Variants in SLC4A4 observed in about 807,000 individuals in gnomAD.
The protein encoded by SLC4A4 is solute carrier family 4 member 4.
In SLC4A4, 27 loss-of-function variants were observed where a neutral mutation model predicts 111.5. The ratio of observed to expected loss-of-function variants is 0.24; its 90% CI spans 0.18 to 0.33. The LOEUF (loss-of-function observed/expected upper bound fraction) is 0.33, where lower values mean the gene tolerates loss of function less well. Among genes scored for constraint, SLC4A4 ranks in the 10% least tolerant of loss-of-function variants. The pLI is 1.00. For missense variants in SLC4A4, 909 were observed against 1,315.5 expected (o/e 0.69, Z 4.78); for synonymous variants, 443 against 463.4 (o/e 0.96, Z 0.57).
chr4:71,180,730 G>A (rs1420922262), intron 2 of SLC4A4, among the ~76,000 whole-genome samples: 1 of 152,130 alleles, frequency 6.6e-6, no homozygotes. Context: ...GGAGAAATGG[G>A]AACACTTTTA....
At chr4:71,473,288 A>G in intron 14 of SLC4A4, 1 of 598,284 alleles carries the variant, frequency 1.7e-6, no homozygotes, top group Non-Finnish European at 3.0e-6. Context: ...ACCTGGATAC[A>G]TGTATTAACA....
intron 7 of SLC4A4, among the ~76,000 whole-genome samples, chr4:71,412,574 C>G (rs146894061): frequency 9.2e-5 from 14 of 152,284 alleles, no homozygotes; most frequent in Non-Finnish European, 1.9e-4. Flanking sequence ...TAAAGTCTTT[C>G]TTTGCACTTA....
intron 15 of SLC4A4, among the ~76,000 whole-genome samples, chr4:71,494,949 G>C (rs1166984440): frequency 6.6e-6 from 1 of 152,052 alleles, no homozygotes; most frequent in Non-Finnish European, 1.5e-5. Flanking sequence ...TATCTAAATA[G>C]AATTGTTTAT....
chr4:71,298,282 G>T (rs1015627249), intron 3 of SLC4A4, among the ~76,000 whole-genome samples: 6 of 152,038 alleles, frequency 3.9e-5, no homozygotes, highest in Non-Finnish European at 7.4e-5. Context: ...TTTATATAAG[G>T]GTTACTGCTA....
At chr4:71,186,536 C>G (rs904272073), upstream of SLC4A4, among the ~76,000 whole-genome samples, 3 of 152,034 alleles carry the variant, frequency 2.0e-5, no homozygotes, top group African/African-American at 7.2e-5. Context: ...GCGGCCGGTC[C>G]GGAGCCGGGT....
chr4:71,501,280 A>C (rs910100177), intron 16 of SLC4A4, among the ~76,000 whole-genome samples: 2 of 152,010 alleles, frequency 1.3e-5, no homozygotes, highest in African/African-American at 4.8e-5. Context: ...AACACTACTG[A>C]ATTGTATGTT....
chr4:71,094,863 T>C (rs1044177685), intron 2 of SLC4A4, among the ~76,000 whole-genome samples: 1 of 152,182 alleles, frequency 6.6e-6, no homozygotes, highest in African/African-American at 2.4e-5. Flanking sequence ...CTCTATATTT[T>C]CCAGGGGGAG....
chr4:71,316,716 T>G (rs1726711509), intron 3 of SLC4A4, among the ~76,000 whole-genome samples: 1 of 151,896 alleles, frequency 6.6e-6, no homozygotes, highest in Non-Finnish European at 1.5e-5. Flanking sequence ...TCCCCTCACC[T>G]CCACAGTCCC....
rs115574266 is a variant in SLC4A4 at position 71,493,301 on chromosome 4, A to G, written c.1975-4200A>G. Among the ~76,000 whole-genome samples the G allele has an allele frequency of 1.6e-3, 249 of 152,124 alleles. 1 individual carries two copies. The highest frequency in any genetic ancestry group is 5.8e-3 in the African/African-American group (243 of 41,556). On this transcript the variant is annotated intron_variant, in intron 15 of 25. Coordinates refer to ENST00000264485, the MANE Select transcript of SLC4A4 (RefSeq NM_001098484.3). ...GTTGTTTACCTGAAATTCAAATGTA[A>G]CTGGGCATCCTACATTTTACCCAGC...
chr4:71,427,188 T>G (rs1723221558), intron 7 of SLC4A4, among the ~76,000 whole-genome samples: 1 of 152,056 alleles, frequency 6.6e-6, no homozygotes. Flanking sequence ...ATTTTCTTCT[T>G]TTGCTTTCTT....
intron 2 of SLC4A4, among the ~76,000 whole-genome samples, chr4:71,150,422 T>C (rs558217897): frequency 6.6e-6 from 1 of 152,224 alleles, no homozygotes; most frequent in South Asian, 2.1e-4. Context: ...CAGCCAGAAA[T>C]AGTGGTATGT....
At chr4:71,448,277 G>A (rs1462511372) in intron 9 of SLC4A4, among the ~76,000 whole-genome samples, 6 of 140,664 alleles carry the variant, frequency 4.3e-5, no homozygotes, top group Non-Finnish European at 9.0e-5. Context: ...CTGAGATCAC[G>A]CCACTGCACT....
intron 15 of SLC4A4, among the ~76,000 whole-genome samples, chr4:71,490,516 C>T (rs1729804266): frequency 6.6e-6 from 1 of 151,684 alleles, no homozygotes; most frequent in Non-Finnish European, 1.5e-5. Flanking sequence ...TCTTTCTTTG[C>T]CCAAATACTC....
intron 2 of SLC4A4, among the ~76,000 whole-genome samples, chr4:71,247,722 A>G (rs1216353428): frequency 1.3e-5 from 2 of 152,178 alleles, no homozygotes; most frequent in African/African-American, 4.8e-5. Flanking sequence ...TGTTTGGCTC[A>G]CAGGTGGATT....
At position 71,355,020 on chromosome 4, in the gene SLC4A4, G is replaced by A. The variant is rs546761006; in HGVS notation, c.551-1988G>A. On this transcript the variant is annotated intron_variant, in intron 5 of 25. Transcript: ENST00000264485. ...CCACTTTCCTTTGAAGGATTTTGTC[G>A]TTTATACTTAAAGAGATCCCTATAA... Among the ~76,000 whole-genome samples, 13 of 152,250 alleles carry A rather than the reference G, an allele frequency of 8.5e-5. No individual in the cohort carries two copies. In the East Asian group the frequency reaches 1.3e-3, roughly 16 times the overall value.
At chr4:71,437,657 A>G in intron 7 of SLC4A4, 2 of 497,856 alleles carry the variant, frequency 4.0e-6, no homozygotes, top group South Asian at 1.5e-5. Context: ...AAACCTTTTA[A>G]TAAGATGCTG....
chr4:71,533,621 T>C (rs1009219866), intron 17 of SLC4A4, among the ~76,000 whole-genome samples: 2 of 152,082 alleles, frequency 1.3e-5, no homozygotes, highest in African/African-American at 4.8e-5. Flanking sequence ...TCCTAAAATT[T>C]ACCCAGTTAT....
At chr4:71,467,442 T>G (rs1727476345) in intron 13 of SLC4A4, among the ~76,000 whole-genome samples, 1 of 152,098 alleles carries the variant, frequency 6.6e-6, no homozygotes, top group Non-Finnish European at 1.5e-5. Context: ...GCACTTTACA[T>G]GTACTAACTC....
intron 1 of SLC4A4, among the ~76,000 whole-genome samples, chr4:71,234,932 A>C (rs1406485976): frequency 6.6e-6 from 1 of 152,192 alleles, no homozygotes; most frequent in Non-Finnish European, 1.5e-5. Flanking sequence ...TCTTAATGCT[A>C]TTGTCCACCA....
Sources: gnomAD v4.1 joint callset for allele counts (sites outside exome capture counted in the v4.1 genomes callset) on GRCh38, gnomAD v4.1.1 for gene constraint, MANE v1.5 for transcripts, NCBI Gene and HGNC (gene_info 2026-07-23, HGNC 2026-07-21) for gene names.